Variants in LCLAT1 observed in about 807,000 individuals in gnomAD.
LCLAT1 encodes lysocardiolipin acyltransferase 1.
LCLAT1 carries 11 observed loss-of-function variants against 30.7 expected under a neutral mutation model. The ratio of observed to expected loss-of-function variants is 0.36; its 90% CI spans 0.23 to 0.59. LCLAT1 has a LOEUF of 0.59. Among genes scored for constraint, LCLAT1 ranks in the 20% least tolerant of loss-of-function variants. LCLAT1 has a pLI of 0.77. For synonymous variants in LCLAT1, 155 were observed against 151.3 expected (o/e 1.02, Z -0.18); for missense variants, 402 against 458.6 (o/e 0.88, Z 1.13).
chr2:30,626,851 C>T (rs913592360), intron 5 of LCLAT1, among the ~76,000 whole-genome samples: 6 of 151,582 alleles, frequency 4.0e-5, no homozygotes, highest in Admixed American at 2.0e-4. Flanking sequence ...TCGTAATTTT[C>T]CTTTTGATTT....
chr2:30,632,558 AGAAG>A (rs906778791), intron 5 of LCLAT1, among the ~76,000 whole-genome samples: 17 of 152,246 alleles, frequency 1.1e-4, no homozygotes, highest in Non-Finnish European at 2.2e-4. Context: ...ACAAGGAGAA[AGAAG>A]GAAGGTAAAG....
At chr2:30,530,283 A>C (rs1333940586) in intron 2 of LCLAT1, among the ~76,000 whole-genome samples, 1 of 152,204 alleles carries the variant, frequency 6.6e-6, no homozygotes, top group Admixed American at 6.5e-5. Flanking sequence ...CCAGTCTTTT[A>C]GTCTGGATTA....
intron 4 of LCLAT1, among the ~76,000 whole-genome samples, chr2:30,565,032 C>G (rs1025481503): frequency 4.6e-5 from 7 of 152,148 alleles, no homozygotes; most frequent in African/African-American, 1.7e-4. Flanking sequence ...TTTGGTCACA[C>G]ACAGACATAT....
intron 5 of LCLAT1, among the ~76,000 whole-genome samples, chr2:30,568,626 G>A (rs1473983782): frequency 6.8e-6 from 1 of 148,128 alleles, no homozygotes; most frequent in East Asian, 2.0e-4. Context: ...CCCTGCCTCA[G>A]CCTCCCAAGT....
chr2:30,623,622 A>G (rs535730581), intron 5 of LCLAT1, among the ~76,000 whole-genome samples: 1 of 152,294 alleles, frequency 6.6e-6, no homozygotes, highest in Admixed American at 6.5e-5. Flanking sequence ...GGATTATGTT[A>G]AACAACAAAA....
chr2:30,452,456 A>G (rs1282666860), intron 1 of LCLAT1, among the ~76,000 whole-genome samples: 1 of 152,130 alleles, frequency 6.6e-6, no homozygotes, highest in African/African-American at 2.4e-5. Context: ...TAAGGCCGTC[A>G]CATCATGCTG....
chr2:30,605,653 A>G (rs1667401476), intron 5 of LCLAT1, among the ~76,000 whole-genome samples: 1 of 152,192 alleles, frequency 6.6e-6, no homozygotes, highest in African/African-American at 2.4e-5. Context: ...AGTGAAATAT[A>G]CATTTCCTCT....
intron 1 of LCLAT1, among the ~76,000 whole-genome samples, chr2:30,523,743 CTG>C (rs778251423): frequency 6.6e-6 from 1 of 152,158 alleles, no homozygotes; most frequent in Non-Finnish European, 1.5e-5. Context: ...TGGCGCGTGT[CTG>C]TAATCCTGGC....
rs142244548 is a variant in LCLAT1, at chr2:30,586,462, G to A, written c.628+18286G>A. On this transcript the variant is annotated intron_variant, in intron 5 of 5. Transcript: ENST00000379509. ...GGCCTCCATCTTTGTATGGCCTTCT[G>A]CCCTGTGACTTCCCACTTCTTTTAA... Among the ~76,000 whole-genome samples, 223 of 152,178 alleles carry A rather than the reference G, an allele frequency of 1.5e-3. 2 individuals are homozygous for A. The highest frequency in any genetic ancestry group is 3.1e-3 in the Admixed American group (48 of 15,290).
chr2:30,611,410 AAG>A (rs1448636252), intron 5 of LCLAT1, among the ~76,000 whole-genome samples: 1 of 152,098 alleles, frequency 6.6e-6, no homozygotes, highest in East Asian at 1.9e-4. Flanking sequence ...TTGAGGGTGA[AAG>A]AGAGTGCCAT....
intron 1 of LCLAT1, among the ~76,000 whole-genome samples, chr2:30,491,318 A>G (rs1465717041): frequency 6.6e-6 from 1 of 152,250 alleles, no homozygotes; most frequent in African/African-American, 2.4e-5. Context: ...GAGCACTTAC[A>G]TATACCAGCC....
At chr2:30,531,341 A>C (rs1685975431) in intron 2 of LCLAT1, among the ~76,000 whole-genome samples, 1 of 152,184 alleles carries the variant, frequency 6.6e-6, no homozygotes, top group Non-Finnish European at 1.5e-5. Flanking sequence ...CCTTTTTACC[A>C]GGAGGTCTTC....
intron 3 of LCLAT1, among the ~76,000 whole-genome samples, chr2:30,533,519 A>G (rs1053872137): frequency 6.6e-6 from 1 of 152,234 alleles, no homozygotes; most frequent in African/African-American, 2.4e-5. Context: ...CTGAAAGAGA[A>G]AATAAACTGT....
intron 3 of LCLAT1, among the ~76,000 whole-genome samples, chr2:30,549,907 GT>G (rs767349173): frequency 7.9e-5 from 12 of 152,108 alleles, no homozygotes; most frequent in Non-Finnish European, 1.3e-4. Flanking sequence ...TTACACTGTT[GT>G]GTAATGAATA....
chr2:30,560,283 G>GGTGTGTGTGTGT (rs57326977), intron 3 of LCLAT1, among the ~76,000 whole-genome samples: 16 of 144,582 alleles, frequency 1.1e-4, no homozygotes, highest in Non-Finnish European at 1.5e-4. Flanking sequence ...AATAAAGTGT[G>GGTGTGTGTGTGT]GTGTGTGTGT....
intron 5 of LCLAT1, among the ~76,000 whole-genome samples, chr2:30,581,605 C>T (rs1159178167): frequency 1.3e-5 from 2 of 152,114 alleles, no homozygotes; most frequent in Non-Finnish European, 2.9e-5. Context: ...TCATCATTCC[C>T]AGCAACATGG....
intron 1 of LCLAT1, among the ~76,000 whole-genome samples, chr2:30,520,736 CG>C (rs1376614471): frequency 1.3e-5 from 2 of 151,868 alleles, no homozygotes; most frequent in Non-Finnish European, 2.9e-5. Context: ...TAGAATTCCC[CG>C]TATTATAAGA....
rs554229896 is a variant in LCLAT1 at position 30,600,369 on chromosome 2, G to C, written c.628+32193G>C. Among the ~76,000 whole-genome samples, 20 of 152,234 alleles carry C rather than the reference G, an allele frequency of 1.3e-4. No individual in the cohort carries two copies. In the South Asian group the frequency reaches 4.1e-3, roughly 32 times the overall value. ...TAGAATCTTGAACACAGCTAAAGCA[G>C]TGTTAAGAGGGAAATTTATAGCACT... On this transcript the variant is annotated intron_variant, in intron 5 of 5. Coordinates refer to ENST00000379509, the MANE Select transcript of LCLAT1 (RefSeq NM_001002257.3).
chr2:30,502,477 A>AC (rs1370188764), intron 1 of LCLAT1, among the ~76,000 whole-genome samples: 7 of 151,348 alleles, frequency 4.6e-5, no homozygotes, highest in African/African-American at 1.2e-4. Flanking sequence ...TAATTTTAGA[A>AC]CCCCCCCTTC....
Sources: gnomAD v4.1 joint callset for allele counts (sites outside exome capture counted in the v4.1 genomes callset) on GRCh38, gnomAD v4.1.1 for gene constraint, MANE v1.5 for transcripts, NCBI Gene and HGNC (gene_info 2026-07-23, HGNC 2026-07-21) for gene names.